The following VWC2L variants were observed in gnomAD, a reference collection of about 807,000 sequenced individuals.
The protein encoded by VWC2L is von Willebrand factor C domain-containing protein 2-like.
Under a neutral mutation model 21.6 loss-of-function variants are expected in VWC2L, and 10 were observed. That is an observed-to-expected ratio of 0.46 (90% CI 0.29 to 0.78). The LOEUF (loss-of-function observed/expected upper bound fraction) is 0.78, where lower values mean the gene tolerates loss of function less well. Among genes scored for constraint, VWC2L ranks in the 30% least tolerant of loss-of-function variants. The probability of loss-of-function intolerance (pLI) is 0.10; values close to 1 mark genes in which losing one functional copy is unlikely to be tolerated. For missense variants in VWC2L, 209 were observed against 277.1 expected, an observed-to-expected ratio of 0.75 and a Z score of 1.74; for synonymous variants, 96 against 94.3, an observed-to-expected ratio of 1.02 and a Z score of -0.10.
chr2:214,484,666 A>G (rs987917654), intron 3 of VWC2L, among the ~76,000 whole-genome samples: 9 of 152,218 alleles, frequency 5.9e-5, no homozygotes, highest in African/African-American at 2.2e-4. Context: ...TCGGGCAGAA[A>G]TCAATGAAGT....
chr2:214,423,849 G>A (rs1294426512), intron 2 of VWC2L, among the ~76,000 whole-genome samples: 1 of 151,866 alleles, frequency 6.6e-6, no homozygotes, highest in African/African-American at 2.4e-5. Flanking sequence ...TGTAACAAAG[G>A]AGCAAAATTA....
intron 2 of VWC2L, among the ~76,000 whole-genome samples, chr2:214,419,965 A>T (rs1182484384): frequency 6.6e-6 from 1 of 152,136 alleles, no homozygotes; most frequent in Non-Finnish European, 1.5e-5. Context: ...AGGCTGAGGC[A>T]GGAGAATCGC....
chr2:214,436,110 T>A (rs1303053182), intron 2 of VWC2L: 2 of 152,816 alleles, frequency 1.3e-5, no homozygotes, highest in Non-Finnish European at 2.9e-5. Flanking sequence ...TCTCTAATAT[T>A]CACATTGAAA....
intron 3 of VWC2L, among the ~76,000 whole-genome samples, chr2:214,516,239 T>C (rs189018559): frequency 1.3e-5 from 2 of 151,980 alleles, no homozygotes; most frequent in African/African-American, 4.8e-5. Flanking sequence ...AACACATCAC[T>C]CTTCTCGGTG....
At chr2:214,479,573 G>A (rs972267151) in intron 3 of VWC2L, among the ~76,000 whole-genome samples, 4 of 152,182 alleles carry the variant, frequency 2.6e-5, no homozygotes, top group Non-Finnish European at 4.4e-5. Flanking sequence ...GGGAGGCTGA[G>A]GCAGGCGGAT....
chr2:214,573,729 T>C (rs1690186935), intron 3 of VWC2L, among the ~76,000 whole-genome samples: 1 of 152,206 alleles, frequency 6.6e-6, no homozygotes, highest in Non-Finnish European at 1.5e-5. Flanking sequence ...CCCAGGGAGC[T>C]GTAGACCCAA....
intron 3 of VWC2L, among the ~76,000 whole-genome samples, chr2:214,570,073 G>A (rs866318612): frequency 1.3e-5 from 2 of 152,030 alleles, no homozygotes; most frequent in Non-Finnish European, 2.9e-5. Context: ...GATTGAAACT[G>A]GAAAAGATCA....
In VWC2L at chr2:214,414,390, G is replaced by A. The variant is rs370205207; in HGVS notation, c.197G>A (p.Arg66Gln). The part of the protein sequence containing the change: ...DSGFVYKLGE[R>Q]FFPGHSNCPC... ...GGCTTTGTATACAAGTTGGGAGAAC[G>A]ATTTTTCCCTGGGCATTCCAACTGT... The change falls in exon 2 of 4, where the codon CGA (arginine) becomes CAA (glutamine). Residue 66 changes from arginine (R) to glutamine (Q), a missense_variant. Coordinates refer to ENST00000312504, the MANE Select transcript of VWC2L (RefSeq NM_001080500.4). 4 of 1,613,538 alleles carry A rather than the reference G, an allele frequency of 2.5e-6. No individual in the cohort carries two copies. The highest frequency in any genetic ancestry group is 1.3e-5 in the African/African-American group (1 of 74,894).
chr2:214,569,488 G>T (rs558305416), intron 3 of VWC2L, among the ~76,000 whole-genome samples: 62 of 152,230 alleles, frequency 4.1e-4, no homozygotes, highest in Admixed American at 3.3e-4. Context: ...TCTGATTTGG[G>T]TGACATAAAA....
intron 3 of VWC2L, among the ~76,000 whole-genome samples, chr2:214,501,721 CAAAA>C (rs776608301): frequency 2.5e-5 from 2 of 79,108 alleles, no homozygotes; most frequent in Admixed American, 1.4e-4. Context: ...GACTCTGTCT[CAAAA>C]AAAAAAAAAA....
intron 3 of VWC2L, among the ~76,000 whole-genome samples, chr2:214,441,545 G>A (rs1039580925): frequency 2.6e-5 from 4 of 152,042 alleles, no homozygotes; most frequent in African/African-American, 9.7e-5. Flanking sequence ...AAAGAGTGGA[G>A]AAAATGTTAT....
rs548220851 is a variant in VWC2L at position 214,534,486 on chromosome 2, C to T, written c.521-41186C>T. ...TTAACAGAAAGAAATACATCACCAC[C>T]AATGAGAAAGCATTGGTGGGAGATA... On this transcript the variant is annotated intron_variant, in intron 3 of 3. Coordinates refer to ENST00000312504, the MANE Select transcript of VWC2L (RefSeq NM_001080500.4). 3.0e-4 allele frequency among the ~76,000 whole-genome samples: 46 copies of T among 152,130 alleles called. No individual in the cohort carries two copies. The Middle Eastern group carries it at 0.01, about 34-fold the overall frequency.
chr2:214,438,507 T>C (rs953094338), intron 3 of VWC2L, among the ~76,000 whole-genome samples: 15 of 152,094 alleles, frequency 9.9e-5, no homozygotes, highest in African/African-American at 3.4e-4. Flanking sequence ...CTCACAATTA[T>C]GGTTATAGTT....
At chr2:214,471,513 C>T (rs1021824164) in intron 3 of VWC2L, among the ~76,000 whole-genome samples, 8 of 152,210 alleles carry the variant, frequency 5.3e-5, no homozygotes, top group African/African-American at 1.7e-4. Context: ...ACTTAATCTT[C>T]ACAACAGCCC....
At chr2:214,443,663 G>A (rs1478309869) in intron 3 of VWC2L, among the ~76,000 whole-genome samples, 3 of 152,132 alleles carry the variant, frequency 2.0e-5, no homozygotes, top group Non-Finnish European at 4.4e-5. Flanking sequence ...CAAGACTGAA[G>A]TGGACAATTT....
At chr2:214,506,046 A>G (rs2105903343) in intron 3 of VWC2L, among the ~76,000 whole-genome samples, 1 of 152,348 alleles carries the variant, frequency 6.6e-6, no homozygotes, top group Middle Eastern at 3.4e-3. Flanking sequence ...TGTTATACGT[A>G]TGATTAATTC....
chr2:214,479,053 C>T (rs987778641), intron 3 of VWC2L, among the ~76,000 whole-genome samples: 18 of 152,136 alleles, frequency 1.2e-4, no homozygotes, highest in Admixed American at 9.2e-4. Flanking sequence ...TTCAGCGATG[C>T]CCCCTCCTCA....
At chr2:214,495,001 T>C (rs1688792936) in intron 3 of VWC2L, among the ~76,000 whole-genome samples, 1 of 152,198 alleles carries the variant, frequency 6.6e-6, no homozygotes, top group Non-Finnish European at 1.5e-5. Context: ...TAATACAGCA[T>C]AGTCTTTAGT....
chr2:214,570,941 G>A (rs992810291), intron 3 of VWC2L, among the ~76,000 whole-genome samples: 1 of 152,140 alleles, frequency 6.6e-6, no homozygotes, highest in Non-Finnish European at 1.5e-5. Flanking sequence ...TCCAGCAGCA[G>A]TGAGAACTTC....
Sources: allele counts gnomAD v4.1 joint callset (sites outside exome capture counted in the v4.1 genomes callset), GRCh38; gene constraint gnomAD v4.1.1; transcripts MANE v1.5; gene names NCBI Gene and HGNC (gene_info 2026-07-23, HGNC 2026-07-21).